Variants in LYPLAL1 observed in about 807,000 individuals in gnomAD.
The protein encoded by LYPLAL1 is lysophospholipase-like protein 1.
LYPLAL1 carries 23 observed loss-of-function variants against 19.7 expected under a neutral mutation model. That is an observed-to-expected ratio of 1.17 (90% CI 0.84 to 1.65). LYPLAL1 has a LOEUF of 1.65. Among genes scored for constraint, LYPLAL1 ranks in the 40% most tolerant of loss-of-function variants. LYPLAL1 has a pLI of 0.00. For synonymous variants in LYPLAL1, 119 were observed against 96.3 expected (o/e 1.24, Z -1.38); for missense variants, 355 against 279.4 (o/e 1.27, Z -1.93).
At chr1:219,435,633 T>C in the LYPLAL1 span, among the ~76,000 whole-genome samples, 1 of 152,046 alleles carries the variant, frequency 6.6e-6, no homozygotes, top group African/African-American at 2.4e-5. Flanking sequence ...GAGACCAGCC[T>C]GGCCAACATA....
the LYPLAL1 span, among the ~76,000 whole-genome samples, chr1:219,388,643 A>G: frequency 1.3e-5 from 2 of 152,134 alleles, no homozygotes; most frequent in Non-Finnish European, 2.9e-5. Flanking sequence ...AAATACCCCA[A>G]AAGTTGTCTA....
intron 1 of LYPLAL1, 92 bp from the exon 2 acceptor site, chr1:219,179,055 C>T: frequency 2.6e-6 from 2 of 774,342 alleles, no homozygotes; most frequent in South Asian, 2.1e-5. Context: ...TCCTTTATTC[C>T]ATCCTCTGTG....
the LYPLAL1 span, among the ~76,000 whole-genome samples, chr1:219,284,397 A>G: frequency 6.6e-6 from 1 of 152,156 alleles, no homozygotes; most frequent in Non-Finnish European, 1.5e-5. Context: ...AAGTAATGCA[A>G]AGGAAAAATG....
the LYPLAL1 span, among the ~76,000 whole-genome samples, chr1:219,419,923 G>C: frequency 2.0e-5 from 3 of 152,210 alleles, no homozygotes; most frequent in African/African-American, 7.2e-5. Context: ...TAATTTCTAT[G>C]CTAAATCCTC....
the LYPLAL1 span, among the ~76,000 whole-genome samples, chr1:219,228,970 C>T: frequency 6.6e-6 from 1 of 151,990 alleles, no homozygotes; most frequent in African/African-American, 2.4e-5. Flanking sequence ...TGAACCACTG[C>T]GTCTGGCCAT....
chr1:219,384,087 GA>G, the LYPLAL1 span, among the ~76,000 whole-genome samples: 1 of 152,140 alleles, frequency 6.6e-6, no homozygotes, highest in Non-Finnish European at 1.5e-5. Context: ...ACTTGAAAAT[GA>G]ACAAAACTCT....
the LYPLAL1 span, among the ~76,000 whole-genome samples, chr1:219,240,715 T>C: frequency 6.6e-6 from 1 of 152,322 alleles, no homozygotes; most frequent in African/African-American, 2.4e-5. Flanking sequence ...TCAAGTAATA[T>C]TTATTATGTA....
At chr1:219,219,901 TAATTTA>T in the LYPLAL1 span, among the ~76,000 whole-genome samples, 1 of 151,940 alleles carries the variant, frequency 6.6e-6, no homozygotes, top group East Asian at 1.9e-4. Flanking sequence ...ATTTCAACTT[TAATTTA>T]AATTTAAGGT....
intron 3 of LYPLAL1, among the ~76,000 whole-genome samples, chr1:219,207,907 C>G (rs938384781): frequency 6.6e-6 from 1 of 152,020 alleles, no homozygotes; most frequent in Admixed American, 6.6e-5. Flanking sequence ...CAGTTGCACA[C>G]GTAATTACTG....
chr1:219,183,475 A>T (rs947563434), intron 2 of LYPLAL1, among the ~76,000 whole-genome samples: 3 of 152,064 alleles, frequency 2.0e-5, no homozygotes, highest in Non-Finnish European at 4.4e-5. Context: ...TGCATAGTTA[A>T]TTTTGATAAA....
chr1:219,369,962 T>C, the LYPLAL1 span, among the ~76,000 whole-genome samples: 1 of 152,160 alleles, frequency 6.6e-6, no homozygotes, highest in Non-Finnish European at 1.5e-5. Flanking sequence ...AGCAACTTAT[T>C]GCCTAGGACA....
chr1:219,199,752 C>A (rs1010885251), intron 3 of LYPLAL1, among the ~76,000 whole-genome samples: 12 of 152,044 alleles, frequency 7.9e-5, no homozygotes, highest in African/African-American at 2.9e-4. Context: ...GTAGCTGGGA[C>A]TACAGGCGCC....
chr1:219,297,602 C>T, the LYPLAL1 span, among the ~76,000 whole-genome samples: 1 of 152,148 alleles, frequency 6.6e-6, no homozygotes, highest in Admixed American at 6.5e-5. Flanking sequence ...TTTAGTCATA[C>T]AAATCATCAT....
chr1:219,260,620 A>G, the LYPLAL1 span, among the ~76,000 whole-genome samples: 2 of 148,738 alleles, frequency 1.3e-5, no homozygotes, highest in Non-Finnish European at 3.0e-5. Context: ...CATTATATAT[A>G]TATTAAATTT....
At chr1:219,274,920 C>G in the LYPLAL1 span, among the ~76,000 whole-genome samples, 1 of 152,120 alleles carries the variant, frequency 6.6e-6, no homozygotes, top group East Asian at 1.9e-4. Flanking sequence ...GTTTTATATA[C>G]TATTCTTCAA....
chr1:219,374,937 AT>A, the LYPLAL1 span, among the ~76,000 whole-genome samples: 1 of 152,166 alleles, frequency 6.6e-6, no homozygotes, highest in Non-Finnish European at 1.5e-5. Context: ...GGGGGGATGG[AT>A]TTGAGGTTCC....
chr1:219,254,548 A>G, the LYPLAL1 span, among the ~76,000 whole-genome samples: 1 of 151,960 alleles, frequency 6.6e-6, no homozygotes, highest in Non-Finnish European at 1.5e-5. Context: ...GCTTAGTTTA[A>G]CTGGATATGA....
At chr1:219,226,462 G>A in the LYPLAL1 span, among the ~76,000 whole-genome samples, 4 of 152,082 alleles carry the variant, frequency 2.6e-5, no homozygotes, top group Admixed American at 6.6e-5. Flanking sequence ...CTGATCATCG[G>A]TCAAAATATT....
the LYPLAL1 span, among the ~76,000 whole-genome samples, chr1:219,292,501 C>T: frequency 2.0e-5 from 3 of 152,196 alleles, no homozygotes; most frequent in South Asian, 6.2e-4. Flanking sequence ...ATGCCACCTT[C>T]TGCTGGTGCC....
Sources: allele counts gnomAD v4.1 joint callset (sites outside exome capture counted in the v4.1 genomes callset), GRCh38; gene constraint gnomAD v4.1.1; transcripts MANE v1.5; gene names NCBI Gene and HGNC (gene_info 2026-07-23, HGNC 2026-07-21).